ROBO1: variants seen among roughly 807,000 people sequenced by gnomAD.
ROBO1 encodes the protein roundabout guidance receptor 1, also known as roundabout homolog 1.
In ROBO1, 149 loss-of-function variants were observed where a neutral mutation model predicts 195.9. The observed-to-expected ratio is 0.76, with a 90% CI of 0.67 to 0.87. The LOEUF (loss-of-function observed/expected upper bound fraction) is 0.87, where lower values mean the gene tolerates loss of function less well. ROBO1 is among the 40% of genes least tolerant of loss of function. The probability of loss-of-function intolerance (pLI) is 0.00; values close to 1 mark genes in which losing one functional copy is unlikely to be tolerated. For synonymous variants in ROBO1, 816 were observed against 733.2 expected (o/e 1.11, Z -1.82); for missense variants, 1,933 against 2,068.3 (o/e 0.93, Z 1.27).
chr3:79,248,675 C>T (rs776190793), intron 2 of ROBO1, among the ~76,000 whole-genome samples: 1 of 152,068 alleles, frequency 6.6e-6, no homozygotes, highest in Non-Finnish European at 1.5e-5. Flanking sequence ...GTTAAGCTTT[C>T]GTTTTAATGT....
At chr3:78,980,087 G>A (rs1698824600) in intron 3 of ROBO1, among the ~76,000 whole-genome samples, 1 of 151,854 alleles carries the variant, frequency 6.6e-6, no homozygotes, top group African/African-American at 2.4e-5. Flanking sequence ...ATTTGCCGAG[G>A]GACACCATAT....
chr3:78,837,561 T>C (rs1349661085), intron 4 of ROBO1, among the ~76,000 whole-genome samples: 1 of 152,130 alleles, frequency 6.6e-6, no homozygotes, highest in Non-Finnish European at 1.5e-5. Context: ...CTAAATGAGA[T>C]ACCCATGCAA....
intron 1 of ROBO1, among the ~76,000 whole-genome samples, chr3:79,745,107 G>T (rs749005819): frequency 7.2e-5 from 11 of 152,104 alleles, no homozygotes; most frequent in Non-Finnish European, 1.2e-4. Context: ...CATTCAGAGT[G>T]TTTTTGCCTT....
intron 1 of ROBO1, among the ~76,000 whole-genome samples, chr3:79,753,706 A>G (rs1224768024): frequency 6.6e-6 from 1 of 152,200 alleles, no homozygotes; most frequent in Admixed American, 6.5e-5. Flanking sequence ...GAAAAGCTTT[A>G]TGGGTAGAAC....
intron 3 of ROBO1, among the ~76,000 whole-genome samples, chr3:78,995,223 G>A (rs939319352): frequency 6.6e-6 from 1 of 152,024 alleles, no homozygotes; most frequent in African/African-American, 2.4e-5. Flanking sequence ...CACATTCATC[G>A]CCAGGAGCCT....
At chr3:79,311,796 G>A (rs926764189) in intron 2 of ROBO1, among the ~76,000 whole-genome samples, 3 of 151,974 alleles carry the variant, frequency 2.0e-5, no homozygotes, top group Admixed American at 1.3e-4. Flanking sequence ...GGTCCTACCC[G>A]ATATTTAAAT....
At chr3:78,700,741 C>T (rs2081399649) in intron 8 of ROBO1, among the ~76,000 whole-genome samples, 1 of 147,234 alleles carries the variant, frequency 6.8e-6, no homozygotes. Context: ...TGGAATTCTG[C>T]TGGTATCTCC....
intron 9 of ROBO1, among the ~76,000 whole-genome samples, chr3:78,686,288 G>A (rs2081049422): frequency 6.6e-6 from 1 of 152,084 alleles, no homozygotes; most frequent in Admixed American, 6.5e-5. Context: ...CGGGCGCGGT[G>A]GCTTACACCT....
At chr3:79,530,754 ACC>A (rs1491406101) in intron 2 of ROBO1, among the ~76,000 whole-genome samples, 2 of 89,102 alleles carry the variant, frequency 2.2e-5, no homozygotes, top group East Asian at 7.0e-4. Context: ...ACACCTTGTA[ACC>A]ACACACACAC....
chr3:79,562,582 T>C (rs1042669361), intron 2 of ROBO1, among the ~76,000 whole-genome samples: 6 of 152,064 alleles, frequency 3.9e-5, no homozygotes, highest in Non-Finnish European at 8.8e-5. Context: ...AATTGAAGAC[T>C]AGAGAAATGT....
chr3:78,992,022 T>C (rs1397503452), intron 3 of ROBO1, among the ~76,000 whole-genome samples: 1 of 152,086 alleles, frequency 6.6e-6, no homozygotes. Flanking sequence ...CATTTTAAAT[T>C]ATGGCTAAAA....
intron 1 of ROBO1, among the ~76,000 whole-genome samples, chr3:79,616,458 C>T (rs559339704): frequency 5.9e-5 from 9 of 152,182 alleles, no homozygotes; most frequent in Admixed American, 5.9e-4. Flanking sequence ...GAGATTTAGC[C>T]CACAATATGG....
At chr3:78,607,215 T>C (rs1703520353) in intron 28 of ROBO1, 174 bp from the exon 29 acceptor site, 8 of 624,110 alleles carry the variant, frequency 1.3e-5, no homozygotes, top group South Asian at 1.1e-4. Flanking sequence ...TTTATGTTTA[T>C]TTATTTATTT....
At chr3:79,097,897 C>A (rs558939548) in intron 3 of ROBO1, among the ~76,000 whole-genome samples, 1 of 151,454 alleles carries the variant, frequency 6.6e-6, no homozygotes, top group South Asian at 2.1e-4. Flanking sequence ...AAGAATAGTT[C>A]TAATCTCCTA....
At chr3:79,549,783 T>C (rs73116887) in intron 2 of ROBO1, among the ~76,000 whole-genome samples, 13,754 of 151,920 alleles carry the variant, frequency 0.091, 632 homozygotes, top group East Asian at 0.15. Context: ...AAAAAGAGGG[T>C]AGCCCTTATT....
At chr3:79,015,833 C>A (rs1277393646) in intron 3 of ROBO1, among the ~76,000 whole-genome samples, 1 of 152,110 alleles carries the variant, frequency 6.6e-6, no homozygotes, top group Non-Finnish European at 1.5e-5. Context: ...ATCAACATAC[C>A]AAAATGGAGT....
intron 1 of ROBO1, among the ~76,000 whole-genome samples, chr3:79,747,832 C>CA (rs913817554): frequency 6.6e-6 from 1 of 151,256 alleles, no homozygotes; most frequent in East Asian, 1.9e-4. Flanking sequence ...AAATAATGTA[C>CA]AAAAAATGGA....
chr3:78,939,353 G>A (rs537862933), intron 3 of ROBO1, among the ~76,000 whole-genome samples: 4 of 151,936 alleles, frequency 2.6e-5, no homozygotes, highest in South Asian at 4.2e-4. Context: ...GGGGGCTCAC[G>A]CCTGTAATCC....
Position 78,750,235 on chromosome 3 carries a change from C to T in ROBO1, c.500-3335G>A, listed in dbSNP as rs1308110162. Among the ~76,000 whole-genome samples the T allele has an allele frequency of 5.3e-5, 8 of 151,864 alleles. No homozygotes were observed. The East Asian group carries it at 1.2e-3, about 22-fold the overall frequency. On this transcript the variant is annotated intron_variant, in intron 4 of 30. Coordinates refer to ENST00000464233, the MANE Select transcript of ROBO1 (RefSeq NM_002941.4). ...CTTTGGGAGGCCAGCAGGCAGATCA[C>T]GAGGTCAGGAGATCGAGACCATCCT...
Sources: allele counts gnomAD v4.1 joint callset (sites outside exome capture counted in the v4.1 genomes callset), GRCh38; gene constraint gnomAD v4.1.1; transcripts MANE v1.5; gene names NCBI Gene and HGNC (gene_info 2026-07-23, HGNC 2026-07-21).